MTTP: variants seen among roughly 807,000 people sequenced by gnomAD.
The protein encoded by MTTP is microsomal triglyceride transfer protein large subunit.
MTTP carries 49 observed loss-of-function variants against 90.6 expected under a neutral mutation model. The ratio of observed to expected loss-of-function variants is 0.54; its 90% CI spans 0.43 to 0.69. The LOEUF (loss-of-function observed/expected upper bound fraction) is 0.69, where lower values mean the gene tolerates loss of function less well. MTTP is among the 30% of genes least tolerant of loss of function. The pLI is 0.00. For missense variants in MTTP, 945 were observed against 1,067.5 expected (o/e 0.89, Z 1.60); for synonymous variants, 347 against 384.2 (o/e 0.90, Z 1.13).
Position 99,619,019 on chromosome 4 carries a change from G to A in MTTP, c.2263G>A (p.Gly755Ser). 1 of 1,613,528 alleles carries A rather than the reference G, an allele frequency of 6.2e-7. No homozygotes were observed. Among genetic ancestry groups the A allele is most frequent in the South Asian group, 1.1e-5 (1 of 91,064 alleles). The stretch of plus-strand genomic sequence containing the variant: ...ACTAAAAGCCAATATAGAGGTCCAG[G>A]GTGGTCTAGCTATTGATATTTCAGG... ...SGLKANIEVQ[G>S]GLAIDISGAM... The change falls in exon 16 of 18, where the codon GGT becomes AGT. Residue 755 changes from glycine (G) to serine (S), a missense_variant. By Grantham distance (56) the Gly-to-Ser change is moderately conservative. Coordinates refer to ENST00000265517, the MANE Select transcript of MTTP (RefSeq NM_001386140.1).
At chr4:99,585,296 T>C (rs915616994) in intron 3 of MTTP, among the ~76,000 whole-genome samples, 1 of 152,130 alleles carries the variant, frequency 6.6e-6, no homozygotes, top group Admixed American at 6.6e-5. Flanking sequence ...TATCAACCTC[T>C]TGTGATAGAT....
chr4:99,566,029 C>G (rs1413703024), intron 1 of MTTP, among the ~76,000 whole-genome samples: 1 of 152,124 alleles, frequency 6.6e-6, no homozygotes, highest in Non-Finnish European at 1.5e-5. Flanking sequence ...GTGGCTCACG[C>G]CTGTAATCCC....
At chr4:99,593,141 G>A (rs1339444047) in intron 6 of MTTP, among the ~76,000 whole-genome samples, 1 of 152,098 alleles carries the variant, frequency 6.6e-6, no homozygotes, top group Non-Finnish European at 1.5e-5. Context: ...TTTCAACTGT[G>A]AGCTCCTTGA....
rs773080754 is a variant in MTTP, at chr4:99,591,736, C to G, written c.704C>G (p.Thr235Arg). Residue 235 changes from threonine to arginine, a missense_variant, in exon 6 of 18, where the codon ACA becomes AGA. Physicochemically the swap from Thr to Arg is moderately conservative, Grantham distance 71 (BLOSUM62 -1). Transcript: ENST00000265517. ...GTTATAGCTGTGCTTGCTGAAGAAA[C>G]ACACAATTTTGGACTGAATTTCCTA... is the stretch of plus-strand genomic sequence containing the variant. ...SFVIAVLAEE[T>R]HNFGLNFLQT... is the part of the protein sequence containing the mutation. The G allele has an allele frequency of 1.9e-6, 3 of 1,613,288 alleles. No homozygotes were observed. Among genetic ancestry groups the G allele is most frequent in the Non-Finnish European group, 2.5e-6 (3 of 1,179,448 alleles).
chr4:99,619,368 A>G (rs774960306), intron 16 of MTTP, among the ~76,000 whole-genome samples: 9 of 152,190 alleles, frequency 5.9e-5, no homozygotes, highest in South Asian at 2.1e-4. Context: ...CAGATGGTTC[A>G]TCTTCTTTTG....
Position 99,615,295 on chromosome 4 carries a change from G to A in MTTP, c.2217+2155G>A, listed in dbSNP as rs558888837. Among the ~76,000 whole-genome samples, 21 of 152,368 alleles carry A rather than the reference G, an allele frequency of 1.4e-4. No individual in the cohort carries two copies. In the South Asian group the frequency reaches 4.3e-3, roughly 32 times the overall value. On this transcript the variant is annotated intron_variant, in intron 15 of 17. Coordinates refer to ENST00000265517, the MANE Select transcript of MTTP (RefSeq NM_001386140.1). ...CCATCAGCAATACATTAACAAATGAGTATGGCTGTGTTCCAATAAAATTTT... is the reference window on the plus strand; with the variant it reads ...CCATCAGCAATACATTAACAAATGAATATGGCTGTGTTCCAATAAAATTTT...
At chr4:99,569,829 T>C (rs1002991479), upstream of MTTP, among the ~76,000 whole-genome samples, 1 of 152,002 alleles carries the variant, frequency 6.6e-6, no homozygotes, top group Non-Finnish European at 1.5e-5. Flanking sequence ...AAATATACTA[T>C]ATTTACAAGT....
intron 3 of MTTP, among the ~76,000 whole-genome samples, chr4:99,589,334 G>T (rs34678000): frequency 0.07 from 10,606 of 151,892 alleles, 604 homozygotes; most frequent in African/African-American, 0.15. Flanking sequence ...CAAACAGAAT[G>T]TTCATCATTT....
At chr4:99,567,492 A>G (rs58844793) in intron 1 of MTTP, among the ~76,000 whole-genome samples, 3 of 152,122 alleles carry the variant, frequency 2.0e-5, no homozygotes, top group Admixed American at 6.5e-5. Context: ...TCACTAAAAA[A>G]CAGAGGAAAC....
In MTTP at chr4:99,611,225, A is replaced by T; in HGVS notation, c.1852A>T (p.Thr618Ser). ...FSRSGSSSAY[T>S]GYIERSPRSA... Reference sequence around the variant, plus strand: ...CAGGAGTGGATCTTCTTCTGCCTACACTGGCTACATAGAACGTATGTACAC... The same window carrying T: ...CAGGAGTGGATCTTCTTCTGCCTACTCTGGCTACATAGAACGTATGTACAC... The change falls in exon 13 of 18, where the codon ACT becomes TCT. Residue 618 changes from threonine (T) to serine (S), a missense_variant. Physicochemically the swap from Thr to Ser is moderately conservative, Grantham distance 58 (BLOSUM62 1). Coordinates refer to ENST00000265517, the MANE Select transcript of MTTP (RefSeq NM_001386140.1). 1.2e-6 allele frequency: 2 copies of T among 1,613,884 alleles called. No homozygotes were observed. Among genetic ancestry groups the T allele is most frequent in the Non-Finnish European group, 1.7e-6 (2 of 1,179,872 alleles).
rs765980181 is a variant in MTTP at position 99,591,322 on chromosome 4, G to C, written c.589G>C (p.Ala197Pro). The C allele has an allele frequency of 6.2e-7, 1 of 1,613,768 alleles. No individual in the cohort carries two copies. The highest frequency in any genetic ancestry group is 8.5e-7 in the Non-Finnish European group (1 of 1,179,718). The change falls in exon 5 of 18, where the codon GCG (alanine) becomes CCG (proline). Residue 197 changes from alanine (A) to proline (P), a missense_variant. Physicochemically the swap from Ala to Pro is conservative, Grantham distance 27. Coordinates refer to ENST00000265517, the MANE Select transcript of MTTP (RefSeq NM_001386140.1). ...KIKALDSCKIARSGFTTPNQV... is the reference protein window; with the variant it reads ...KIKALDSCKIPRSGFTTPNQV... ...TAAGGCCTTGGATTCATGCAAAATA[G>C]CGAGGTCTGGATTTACGACCCCAAA... is the stretch of plus-strand genomic sequence containing the variant.
intron 10 of MTTP, among the ~76,000 whole-genome samples, chr4:99,603,369 G>A (rs900412405): frequency 1.3e-5 from 2 of 152,122 alleles, no homozygotes; most frequent in Non-Finnish European, 2.9e-5. Flanking sequence ...GACATACTCA[G>A]ATTTTTTATT....
chr4:99,613,148 A>G lies in MTTP; in HGVS notation c.2217+8A>G. ...CTAATAGATCATTCTCAGGTAATTC[A>G]TTCAGTCTGTGAGTATTTATTGAGT... On this transcript the variant is annotated splice_region_variant and intron_variant, in intron 15 of 17. Coordinates refer to ENST00000265517, the MANE Select transcript of MTTP (RefSeq NM_001386140.1). 6.2e-7 allele frequency: 1 copy of G among 1,607,634 alleles called. No individual in the cohort carries two copies. Among genetic ancestry groups the G allele is most frequent in the East Asian group, 2.2e-5 (1 of 44,792 alleles).
intron 8 of MTTP, among the ~76,000 whole-genome samples, chr4:99,597,544 G>A (rs987697146): frequency 1.3e-5 from 2 of 152,124 alleles, no homozygotes; most frequent in Admixed American, 6.5e-5. Flanking sequence ...GTGCTGCCTC[G>A]CTGTTTTTGA....
intron 6 of MTTP, among the ~76,000 whole-genome samples, chr4:99,593,555 T>G (rs895762620): frequency 1.4e-4 from 22 of 152,148 alleles, no homozygotes; most frequent in African/African-American, 4.8e-4. Flanking sequence ...GAATGTTAAA[T>G]CTTAGAGTTT....
intron 1 of MTTP, among the ~76,000 whole-genome samples, chr4:99,566,311 A>AAG (rs1202804835): frequency 1.1e-4 from 17 of 151,704 alleles, no homozygotes; most frequent in African/African-American, 2.2e-4. Flanking sequence ...AAAAAAAAAA[A>AAG]AAAGAAAAAT....
intron 10 of MTTP, among the ~76,000 whole-genome samples, chr4:99,602,975 C>T (rs1361346257): frequency 6.6e-6 from 1 of 152,118 alleles, no homozygotes; most frequent in Non-Finnish European, 1.5e-5. Flanking sequence ...AGTGCTCAGA[C>T]AATACAGAAG....
At chr4:99,566,318 A>G (rs1431639535) in intron 1 of MTTP, among the ~76,000 whole-genome samples, 9 of 151,350 alleles carry the variant, frequency 5.9e-5, no homozygotes, top group East Asian at 1.9e-4. Context: ...AAAAAAAGAA[A>G]AATAGGTTTT....
rs770189241 is a variant in MTTP, at chr4:99,622,701, G to C, written c.2538G>C (p.Arg846Ser). ...GGCAATTTGAGAAAAAGTACGAAAG[G>C]CTGTCCACAGGCAGAGGTTATGTCT... is the stretch of plus-strand genomic sequence containing the variant. ...PFRQFEKKYE[R>S]LSTGRGYVSQ... Residue 846 changes from arginine (R) to serine (S), a missense_variant, in exon 18 of 18, where the codon AGG becomes AGC. Coordinates refer to ENST00000265517, the MANE Select transcript of MTTP (RefSeq NM_001386140.1). 2 of 1,613,990 alleles carry C rather than the reference G, an allele frequency of 1.2e-6. No individual in the cohort carries two copies. Among genetic ancestry groups the C allele is most frequent in the South Asian group, 1.1e-5 (1 of 91,064 alleles).
Sources: gnomAD v4.1 joint callset for allele counts (sites outside exome capture counted in the v4.1 genomes callset) on GRCh38, gnomAD v4.1.1 for gene constraint, MANE v1.5 for transcripts, NCBI Gene and HGNC (gene_info 2026-07-23, HGNC 2026-07-21) for gene names.